Variants in PCBP3 observed in about 807,000 individuals in gnomAD.
PCBP3 encodes the protein poly(rC) binding protein 3.
PCBP3 carries 25 observed loss-of-function variants against 52.7 expected under a neutral mutation model. That is an observed-to-expected ratio of 0.47 (90% CI 0.35 to 0.66). The LOEUF (loss-of-function observed/expected upper bound fraction) is 0.66, where lower values mean the gene tolerates loss of function less well. Among genes scored for constraint, PCBP3 ranks in the 30% least tolerant of loss-of-function variants. PCBP3 has a pLI of 0.01. For synonymous variants in PCBP3, 162 were observed against 183.0 expected (o/e 0.89, Z 0.93); for missense variants, 391 against 490.3 (o/e 0.80, Z 1.91).
chr21:45,809,625 G>A (rs1455053037), intron 4 of PCBP3, among the ~76,000 whole-genome samples: 2 of 152,210 alleles, frequency 1.3e-5, no homozygotes, highest in Admixed American at 1.3e-4. Flanking sequence ...GAGCTGCCCC[G>A]CTTCCCCCCT....
rs140036406 is a variant in PCBP3, at chr21:45,678,868, A to T, written c.-200+9916A>T. Reference sequence around the variant, plus strand: ...AGTTATACCATGGTGAAAGGCTATCAAACAGCATCACATGCTACAGAGAAA... The same window carrying T: ...AGTTATACCATGGTGAAAGGCTATCTAACAGCATCACATGCTACAGAGAAA... On this transcript the variant is annotated intron_variant, in intron 2 of 17. Coordinates refer to ENST00000681687, the MANE Select transcript of PCBP3 (RefSeq NM_001384156.1). Among the ~76,000 whole-genome samples, 19 of 152,178 alleles carry T rather than the reference A, an allele frequency of 1.2e-4. No individual in the cohort carries two copies. In the East Asian group the frequency reaches 3.3e-3, roughly 26 times the overall value.
chr21:45,921,144 G>A (rs1394486548), intron 13 of PCBP3, among the ~76,000 whole-genome samples: 2 of 114,000 alleles, frequency 1.8e-5, no homozygotes, highest in Admixed American at 8.9e-5. Context: ...ACAATAGTCA[G>A]GAAGCAATTT....
chr21:45,719,303 CAG>C (rs2084451370), intron 2 of PCBP3, among the ~76,000 whole-genome samples: 1 of 152,042 alleles, frequency 6.6e-6, no homozygotes, highest in South Asian at 2.1e-4. Context: ...CAAGTGTTCT[CAG>C]GGAGGCTAGA....
chr21:45,900,938 C>G (rs1202868318), intron 8 of PCBP3, 59 bp from the exon 9 acceptor site: 2 of 1,251,746 alleles, frequency 1.6e-6, no homozygotes, highest in Non-Finnish European at 2.4e-6. Flanking sequence ...TTGCGGCCCC[C>G]GACCCACTGG....
intron 2 of PCBP3, among the ~76,000 whole-genome samples, chr21:45,700,535 C>T (rs1569130600): frequency 6.6e-6 from 1 of 152,176 alleles, no homozygotes; most frequent in Admixed American, 6.5e-5. Flanking sequence ...GTCCCACACC[C>T]TCCACAGGGA....
Position 45,655,203 on chromosome 21 carries a change from T to C in PCBP3, c.-279+11335T>C, listed in dbSNP as rs147618094. ...TTTTCATATGAATATATGTTTTCAC[T>C]TGTCTTGGTTTACACTAGAAGTAGA... On this transcript the variant is annotated intron_variant, in intron 1 of 17. Coordinates refer to ENST00000681687, the MANE Select transcript of PCBP3 (RefSeq NM_001384156.1). Among the ~76,000 whole-genome samples, 369 of 152,256 alleles carry C rather than the reference T, an allele frequency of 2.4e-3. 2 individuals carry two copies. Among genetic ancestry groups the C allele is most frequent in the African/African-American group, 8.3e-3 (347 of 41,560 alleles).
chr21:45,936,981 G>C (rs548781295), intron 16 of PCBP3, among the ~76,000 whole-genome samples: 1 of 152,148 alleles, frequency 6.6e-6, no homozygotes. Flanking sequence ...CATGGAAAAG[G>C]CTATTGACGA....
In PCBP3 at chr21:45,909,439, G is replaced by C; in HGVS notation, c.424G>C (p.Gly142Arg). The C allele has an allele frequency of 1.2e-6, 2 of 1,613,330 alleles. No individual in the cohort carries two copies. Among genetic ancestry groups the C allele is most frequent in the Middle Eastern group, 1.7e-4 (1 of 6,058 alleles). The change falls in exon 10 of 18, where the codon GGG becomes CGG. Residue 142 changes from glycine to arginine, a missense_variant. Transcript: ENST00000681687. The part of the protein sequence containing the change: ...LRLVVPASQC[G>R]SLIGKGGSKI... ...GCTGGTGGTGCCTGCCAGCCAGTGTGGGTCCCTGATCGGCAAAGGAGGCTC... is the reference window on the plus strand; with the variant it reads ...GCTGGTGGTGCCTGCCAGCCAGTGTCGGTCCCTGATCGGCAAAGGAGGCTC...
At chr21:45,938,451 C>T (rs2077110155) in intron 16 of PCBP3, among the ~76,000 whole-genome samples, 2 of 152,214 alleles carry the variant, frequency 1.3e-5, no homozygotes. Context: ...CCCTGGCCCC[C>T]ATCAGAGATG....
At chr21:45,696,079 C>CAAAAAA (rs71185164) in intron 2 of PCBP3, among the ~76,000 whole-genome samples, 1 of 39,632 alleles carries the variant, frequency 2.5e-5, no homozygotes, top group Non-Finnish European at 4.6e-5. Context: ...GACTCTGTCT[C>CAAAAAA]AAAAAAAAAA....
chr21:45,822,258 G>A (rs1005003424), intron 4 of PCBP3, among the ~76,000 whole-genome samples: 6 of 152,170 alleles, frequency 3.9e-5, no homozygotes, highest in Non-Finnish European at 7.4e-5. Context: ...AGCCCCCACT[G>A]CAGCCTGAGC....
At chr21:45,701,120 A>C (rs1356905161) in intron 2 of PCBP3, among the ~76,000 whole-genome samples, 2 of 152,242 alleles carry the variant, frequency 1.3e-5, no homozygotes, top group Non-Finnish European at 2.9e-5. Flanking sequence ...AATTATTTAC[A>C]ATATTAAAGT....
At chr21:45,773,119 T>A (rs1383501106) in intron 4 of PCBP3, among the ~76,000 whole-genome samples, 2 of 152,228 alleles carry the variant, frequency 1.3e-5, no homozygotes, top group Non-Finnish European at 2.9e-5. Context: ...TTGTTGCCTA[T>A]GCTTTTGCGG....
At chr21:45,934,604 C>A (rs1223219878) in intron 15 of PCBP3, among the ~76,000 whole-genome samples, 1 of 152,188 alleles carries the variant, frequency 6.6e-6, no homozygotes, top group Admixed American at 6.5e-5. Flanking sequence ...TCTCCTTGCT[C>A]CAAATTGGAA....
intron 13 of PCBP3, among the ~76,000 whole-genome samples, chr21:45,920,484 C>G (rs1275331037): frequency 1.3e-5 from 2 of 152,216 alleles, no homozygotes; most frequent in African/African-American, 4.8e-5. Flanking sequence ...GTTAAGAGAA[C>G]TGCCTCAGTG....
At chr21:45,801,609 C>G (rs1182710573) in intron 4 of PCBP3, among the ~76,000 whole-genome samples, 1 of 150,182 alleles carries the variant, frequency 6.7e-6, no homozygotes, top group Non-Finnish European at 1.5e-5. Flanking sequence ...GGTCACTGAC[C>G]CGCCTTCACA....
rs796664556 is a variant in PCBP3 at position 45,805,819 on chromosome 21, G to A, written c.-125-44142G>A. Reference sequence around the variant, plus strand: ...GGAAAGCGCGCTCCTGTCTTTCTGTGGCAGCGAAGGTGGCATTCCCTCCTA... The same window carrying A: ...GGAAAGCGCGCTCCTGTCTTTCTGTAGCAGCGAAGGTGGCATTCCCTCCTA... On this transcript the variant is annotated intron_variant, in intron 4 of 17. Coordinates refer to ENST00000681687, the MANE Select transcript of PCBP3 (RefSeq NM_001384156.1). The surrounding 1 kb of genome is among the most constrained non-coding windows in gnomAD (Gnocchi z 4.6). 2.6e-5 allele frequency among the ~76,000 whole-genome samples: 4 copies of A among 152,210 alleles called. No individual in the cohort carries two copies. The highest frequency in any genetic ancestry group is 7.2e-5 in the African/African-American group (3 of 41,542).
chr21:45,763,568 G>A (rs2088944944), intron 4 of PCBP3: 1 of 152,298 alleles, frequency 6.6e-6, no homozygotes, highest in Non-Finnish European at 1.5e-5. Context: ...TGGGTTGAAC[G>A]CCTGTAGGAT....
chr21:45,668,062 C>T (rs1037649935), intron 1 of PCBP3, among the ~76,000 whole-genome samples: 1 of 152,098 alleles, frequency 6.6e-6, no homozygotes, highest in African/African-American at 2.4e-5. Context: ...TTTATAAGTG[C>T]CTTAGCCTTC....
Sources: allele counts gnomAD v4.1 joint callset (sites outside exome capture counted in the v4.1 genomes callset), GRCh38; gene constraint gnomAD v4.1.1; non-coding constraint Gnocchi (gnomAD v3.1); transcripts MANE v1.5; gene names NCBI Gene and HGNC (gene_info 2026-07-23, HGNC 2026-07-21).